CSMD1: variants seen among roughly 807,000 people sequenced by gnomAD.
CSMD1 encodes the protein CUB and Sushi multiple domains 1.
In CSMD1, 213 loss-of-function variants were observed where a neutral mutation model predicts 417.5. That is an observed-to-expected ratio of 0.51 (90% CI 0.46 to 0.57). The LOEUF is 0.57. CSMD1 is among the 20% of genes least tolerant of loss of function. CSMD1 has a pLI of 0.00. For missense variants in CSMD1, 6,923 were observed against 4,529.7 expected (o/e 1.53, Z -15.17); for synonymous variants, 2,862 against 1,736.8 (o/e 1.65, Z -16.11).
intron 12 of CSMD1, among the ~76,000 whole-genome samples, chr8:3,444,010 A>G (rs1383448562): frequency 1.3e-5 from 2 of 152,070 alleles, no homozygotes; most frequent in Admixed American, 1.3e-4. Flanking sequence ...ATGAGAAAAA[A>G]CCTTGCAGTG....
intron 59 of CSMD1, 126 bp from the exon 60 acceptor site, chr8:2,963,521 T>A (rs1803686175): frequency 2.1e-5 from 19 of 902,582 alleles, no homozygotes; most frequent in South Asian, 7.3e-5. Flanking sequence ...TAAAAAAAAA[T>A]AATAAAAGAA....
At chr8:3,967,443 A>T (rs930534114) in intron 5 of CSMD1, among the ~76,000 whole-genome samples, 5 of 112,542 alleles carry the variant, frequency 4.4e-5, no homozygotes, top group African/African-American at 1.5e-4. Flanking sequence ...CTCATTCAGG[A>T]TCTTTGCTAA....
At chr8:4,171,648 T>G (rs1378416110) in intron 3 of CSMD1, among the ~76,000 whole-genome samples, 2 of 150,098 alleles carry the variant, frequency 1.3e-5, no homozygotes, top group African/African-American at 2.5e-5. Context: ...CTTGCCTGTT[T>G]TTTTCCCAAT....
chr8:3,882,345 G>T (rs951242182), intron 5 of CSMD1, among the ~76,000 whole-genome samples: 1 of 152,146 alleles, frequency 6.6e-6, no homozygotes, highest in Non-Finnish European at 1.5e-5. Context: ...AAATCTCGAC[G>T]ATGACAGAAT....
At chr8:3,638,718 G>C (rs1034086440) in intron 7 of CSMD1, among the ~76,000 whole-genome samples, 6 of 152,154 alleles carry the variant, frequency 3.9e-5, no homozygotes, top group Admixed American at 2.6e-4. Context: ...CTTGTGGTCA[G>C]AATACAGAAT....
chr8:4,237,130 G>A (rs1270638785), intron 3 of CSMD1, among the ~76,000 whole-genome samples: 3 of 152,114 alleles, frequency 2.0e-5, no homozygotes, highest in Non-Finnish European at 2.9e-5. Context: ...ACTTTGCACG[G>A]AAGCCCTAAA....
intron 5 of CSMD1, among the ~76,000 whole-genome samples, chr8:3,940,162 G>C (rs774108612): frequency 2.0e-5 from 3 of 151,992 alleles, no homozygotes; most frequent in Non-Finnish European, 4.4e-5. Flanking sequence ...GCTTGTCATT[G>C]TGTTTCAAAC....
chr8:2,966,345 G>C (rs935702398), intron 58 of CSMD1, among the ~76,000 whole-genome samples: 13 of 152,212 alleles, frequency 8.5e-5, no homozygotes, highest in African/African-American at 2.6e-4. Context: ...TACAATGTTT[G>C]ACTGAACTGG....
intron 3 of CSMD1, among the ~76,000 whole-genome samples, chr8:4,216,493 G>T (rs574831576): frequency 1.3e-5 from 2 of 152,120 alleles, no homozygotes; most frequent in African/African-American, 2.4e-5. Context: ...CTCATTAATA[G>T]AATTAGTGCT....
chr8:3,923,724 C>G (rs1298238497), intron 5 of CSMD1, among the ~76,000 whole-genome samples: 1 of 152,078 alleles, frequency 6.6e-6, no homozygotes, highest in Admixed American at 6.6e-5. Flanking sequence ...CTTATGCTTC[C>G]TGTCTCACTG....
chr8:4,560,063 A>C (rs1007586774), intron 2 of CSMD1, among the ~76,000 whole-genome samples: 5 of 152,206 alleles, frequency 3.3e-5, no homozygotes, highest in Non-Finnish European at 5.9e-5. Context: ...GGGGTCCTCG[A>C]CTGCATATCC....
At chr8:4,380,448 A>G (rs1803029181) in intron 3 of CSMD1, among the ~76,000 whole-genome samples, 1 of 152,208 alleles carries the variant, frequency 6.6e-6, no homozygotes, top group African/African-American at 2.4e-5. Flanking sequence ...AGAATGGTTT[A>G]CCAGTCGGCC....
chr8:3,409,478 T>C lies in CSMD1; in HGVS notation c.1689A>G (p.Arg563=), dbSNP rs1421411403. 9.9e-6 allele frequency: 16 copies of C among 1,611,468 alleles called. No individual in the cohort carries two copies. The highest frequency in any genetic ancestry group is 1.3e-5 in the African/African-American group (1 of 74,860). The change falls in exon 13 of 70, where the codon AGA becomes AGG. Residue 563 remains arginine (R), a synonymous_variant. Coordinates refer to ENST00000635120, the MANE Select transcript of CSMD1 (RefSeq NM_033225.6). Reference sequence around the variant, plus strand: ...GATTGTTCTGCTGACAGGTGATAACTCTCTCCCCCACCAGCTCAAAGGCCG... The same window carrying C: ...GATTGTTCTGCTGACAGGTGATAACCCTCTCCCCCACCAGCTCAAAGGCCG... ...CPAAFELVGE[R]VITCQQNNQW...
At chr8:4,451,810 G>A (rs1205088122) in intron 2 of CSMD1, among the ~76,000 whole-genome samples, 1 of 151,894 alleles carries the variant, frequency 6.6e-6, no homozygotes, top group Non-Finnish European at 1.5e-5. Flanking sequence ...CTTAAAGGAT[G>A]GGCTCTTACC....
rs374296995 is a variant in CSMD1 at position 3,399,450 on chromosome 8, T to C, written c.2346A>G (p.Leu782=). The part of the protein sequence containing the change: ...PGWPGYYKDS[L]HCEWIIEAKP... ...TTGCTTCAATTATCCATTCACAATG[T>C]AAAGAATCCTTATAATATCCTGGCC... is the stretch of plus-strand genomic sequence containing the variant. The change falls in exon 16 of 70, where the codon TTA becomes TTG. Residue 782 remains leucine (L), a synonymous_variant. Coordinates refer to ENST00000635120, the MANE Select transcript of CSMD1 (RefSeq NM_033225.6). 2.9e-5 allele frequency: 47 copies of C among 1,610,508 alleles called. No homozygotes were observed. Among genetic ancestry groups the C allele is most frequent in the Non-Finnish European group, 3.7e-5 (44 of 1,178,446 alleles).
At chr8:3,799,801 T>C (rs572904168) in intron 5 of CSMD1, among the ~76,000 whole-genome samples, 23 of 152,258 alleles carry the variant, frequency 1.5e-4, no homozygotes, top group South Asian at 1.4e-3. Context: ...AATTCTATAG[T>C]GAATATTACA....
intron 1 of CSMD1, among the ~76,000 whole-genome samples, chr8:4,939,105 T>C (rs950817830): frequency 1.3e-5 from 2 of 152,236 alleles, no homozygotes; most frequent in African/African-American, 4.8e-5. Context: ...CTCTTTATTT[T>C]ATTATTTCTT....
chr8:4,098,230 A>G (rs888054860), intron 3 of CSMD1, among the ~76,000 whole-genome samples: 2 of 152,188 alleles, frequency 1.3e-5, no homozygotes, highest in East Asian at 1.9e-4. Context: ...AATAGAATCT[A>G]ATTATATTAC....
intron 49 of CSMD1, among the ~76,000 whole-genome samples, chr8:3,056,798 G>T (rs935585489): frequency 3.3e-5 from 5 of 151,756 alleles, no homozygotes; most frequent in Non-Finnish European, 7.4e-5. Flanking sequence ...GGATTTTCAA[G>T]TATTTCCAAA....
Sources: allele counts gnomAD v4.1 joint callset (sites outside exome capture counted in the v4.1 genomes callset), GRCh38; gene constraint gnomAD v4.1.1; transcripts MANE v1.5; gene names NCBI Gene and HGNC (gene_info 2026-07-23, HGNC 2026-07-21).